The following TRHDE variants were observed in gnomAD, a reference collection of about 807,000 sequenced individuals.
The protein encoded by TRHDE is thyrotropin releasing hormone degrading enzyme, also known as thyrotropin-releasing hormone-degrading ectoenzyme.
Under a neutral mutation model 125.7 loss-of-function variants are expected in TRHDE, and 72 were observed. The observed-to-expected ratio is 0.57, with a 90% CI of 0.47 to 0.70. TRHDE has a LOEUF of 0.70. Ranked by LOEUF, TRHDE falls within the 30% of genes least tolerant of loss-of-function variation. The pLI is 0.00. For missense variants in TRHDE, 1,110 were observed against 1,327.1 expected (o/e 0.84, Z 2.54); for synonymous variants, 509 against 509.1 (o/e 1.00, Z 0.00).
intron 2 of TRHDE, among the ~76,000 whole-genome samples, chr12:72,141,803 G>T (rs780136039): frequency 1.6e-4 from 24 of 152,314 alleles, no homozygotes; most frequent in Middle Eastern, 3.4e-3. Context: ...TAGAGTGGGG[G>T]TATTGTTACA....
intron 12 of TRHDE, among the ~76,000 whole-genome samples, chr12:72,577,630 G>C (rs1424924638): frequency 6.6e-6 from 1 of 152,170 alleles, no homozygotes; most frequent in Non-Finnish European, 1.5e-5. Context: ...ACAGAGGCCA[G>C]ATGGAAATTA....
chr12:72,285,368 GA>G (rs1281937196), intron 1 of TRHDE, among the ~76,000 whole-genome samples: 1 of 152,096 alleles, frequency 6.6e-6, no homozygotes, highest in Non-Finnish European at 1.5e-5. Flanking sequence ...GCCTTTTAAA[GA>G]AATCGCTTCA....
chr12:72,497,669 G>A (rs1179345621), intron 5 of TRHDE, among the ~76,000 whole-genome samples: 1 of 151,970 alleles, frequency 6.6e-6, no homozygotes, highest in Non-Finnish European at 1.5e-5. Flanking sequence ...ATATCAGATA[G>A]TTTTCATCTA....
At chr12:72,468,951 G>C (rs1244730834) in intron 3 of TRHDE, among the ~76,000 whole-genome samples, 4 of 152,152 alleles carry the variant, frequency 2.6e-5, no homozygotes, top group African/African-American at 9.7e-5. Context: ...GTACATCGAA[G>C]CATGAACTCT....
At chr12:72,529,730 G>A (rs1868444857) in intron 6 of TRHDE, among the ~76,000 whole-genome samples, 1 of 152,084 alleles carries the variant, frequency 6.6e-6, no homozygotes, top group African/African-American at 2.4e-5. Context: ...GTGGGGTTGG[G>A]AGGTACATGC....
intron 5 of TRHDE, among the ~76,000 whole-genome samples, chr12:72,479,129 A>G (rs1253980768): frequency 7.0e-6 from 1 of 141,966 alleles, no homozygotes; most frequent in African/African-American, 2.5e-5. Context: ...CATCTGTTAG[A>G]AAGATGAATG....
At chr12:72,130,664 A>G (rs1302839875) in intron 2 of TRHDE, among the ~76,000 whole-genome samples, 1 of 152,224 alleles carries the variant, frequency 6.6e-6, no homozygotes, top group Non-Finnish European at 1.5e-5. Context: ...AAACACCACA[A>G]TGGATGAAAT....
At chr12:72,453,460 T>G (rs1875682084) in intron 3 of TRHDE, among the ~76,000 whole-genome samples, 1 of 152,188 alleles carries the variant, frequency 6.6e-6, no homozygotes, top group Non-Finnish European at 1.5e-5. Context: ...AATTTATATT[T>G]AAAAGAGAAG....
At chr12:72,127,692 G>A (rs373461004) in intron 2 of TRHDE, among the ~76,000 whole-genome samples, 2 of 152,050 alleles carry the variant, frequency 1.3e-5, no homozygotes, top group Non-Finnish European at 2.9e-5. Flanking sequence ...AGAGAAGGGG[G>A]CAAGGGGTTG....
At chr12:72,395,043 T>A (rs568702451) in intron 3 of TRHDE, among the ~76,000 whole-genome samples, 1 of 152,388 alleles carries the variant, frequency 6.6e-6, no homozygotes, top group African/African-American at 2.4e-5. Context: ...ACATAGTTAT[T>A]ATTTTTTTGT....
chr12:72,289,278 T>C (rs1321704627), intron 2 of TRHDE, among the ~76,000 whole-genome samples: 1 of 152,116 alleles, frequency 6.6e-6, no homozygotes, highest in Non-Finnish European at 1.5e-5. Context: ...TGAATGGTAG[T>C]AGGGCCCTAA....
intron 1 of TRHDE, among the ~76,000 whole-genome samples, chr12:72,098,785 CAG>C (rs1874996926): frequency 6.6e-6 from 1 of 152,172 alleles, no homozygotes; most frequent in Non-Finnish European, 1.5e-5. Context: ...ACCTCCCAGC[CAG>C]CTGACTGCCT....
At chr12:72,309,444 C>T (rs1383157674) in intron 2 of TRHDE, among the ~76,000 whole-genome samples, 4 of 151,796 alleles carry the variant, frequency 2.6e-5, no homozygotes, top group Non-Finnish European at 5.9e-5. Flanking sequence ...AAAGAGGGTC[C>T]CCAGAGAGAT....
Position 72,515,451 on chromosome 12 carries a change from T to C in TRHDE, c.1722+15816T>C, listed in dbSNP as rs1878802229. ...TAAATGTCTTCTTTTGAGAAGTGTCTGTTCATGTCCTTTGCTCACTTTTTG... is the reference window on the plus strand; with the variant it reads ...TAAATGTCTTCTTTTGAGAAGTGTCCGTTCATGTCCTTTGCTCACTTTTTG... On this transcript the variant is annotated intron_variant, in intron 6 of 18. Transcript: ENST00000261180. 2.0e-5 allele frequency among the ~76,000 whole-genome samples: 3 copies of C among 152,002 alleles called. No individual in the cohort carries two copies. The South Asian group carries it at 6.2e-4, about 31-fold the overall frequency.
intron 3 of TRHDE, among the ~76,000 whole-genome samples, chr12:72,418,999 G>GAGT (rs1296657494): frequency 6.6e-6 from 1 of 152,136 alleles, no homozygotes; most frequent in Non-Finnish European, 1.5e-5. Flanking sequence ...GATATAGAAT[G>GAGT]AGTAGTAGTA....
chr12:72,370,599 G>A (rs1871534350), intron 2 of TRHDE, among the ~76,000 whole-genome samples: 1 of 151,890 alleles, frequency 6.6e-6, no homozygotes, highest in South Asian at 2.1e-4. Flanking sequence ...TAGTCTTTCT[G>A]CCTGCAGTTT....
At chr12:72,368,412 G>C (rs934738414) in intron 2 of TRHDE, among the ~76,000 whole-genome samples, 9 of 151,856 alleles carry the variant, frequency 5.9e-5, no homozygotes, top group African/African-American at 1.9e-4. Context: ...AATAATTTTA[G>C]TACAATGAAA....
intron 15 of TRHDE, among the ~76,000 whole-genome samples, chr12:72,636,097 A>G (rs1246461395): frequency 9.2e-5 from 14 of 151,920 alleles, no homozygotes; most frequent in African/African-American, 3.4e-4. Flanking sequence ...CTTGGGCAGT[A>G]TGGCCATTTT....
rs555816142 is a variant in TRHDE, at chr12:72,640,393, C to T, written c.2676-11929C>T. Among the ~76,000 whole-genome samples, 7 of 152,354 alleles carry T rather than the reference C, an allele frequency of 4.6e-5. 1 individual carries two copies. The highest frequency in any genetic ancestry group is 4.1e-4 in the South Asian group (2 of 4,832). ...CACGGTGCGTGCACCCACTGACCTG[C>T]GCCCACTGTCTGGCACTTCCTAGTG... On this transcript the variant is annotated intron_variant, in intron 15 of 18. Coordinates refer to ENST00000261180, the MANE Select transcript of TRHDE (RefSeq NM_013381.3).
Sources: gnomAD v4.1 joint callset for allele counts (sites outside exome capture counted in the v4.1 genomes callset) on GRCh38, gnomAD v4.1.1 for gene constraint, MANE v1.5 for transcripts, NCBI Gene and HGNC (gene_info 2026-07-23, HGNC 2026-07-21) for gene names.